The following RNF122 variants were observed in gnomAD, a reference collection of about 807,000 sequenced individuals.
RNF122 encodes ring finger protein 122.
A neutral mutation model predicts 24.2 loss-of-function variants in RNF122; 17 were observed. That is an observed-to-expected ratio of 0.70 (90% CI 0.48 to 1.06). The LOEUF (loss-of-function observed/expected upper bound fraction) is 1.06. RNF122 is among the 50% of genes least tolerant of loss of function. The probability of loss-of-function intolerance (pLI) is 0.00; values close to 1 mark genes in which losing one functional copy is unlikely to be tolerated. For synonymous variants in RNF122, 65 were observed against 71.8 expected (o/e 0.91, Z 0.48); for missense variants, 168 against 198.1 (o/e 0.85, Z 0.91).
In RNF122 at chr8:33,548,709, A is replaced by G. The variant is rs1216581922; in HGVS notation, c.*44T>C. ...AGCTGTGCAGAGGGACCAGACATCCATGAGGCAAGAGGTCTTCTCCAGGTC... is the reference window on the plus strand; with the variant it reads ...AGCTGTGCAGAGGGACCAGACATCCGTGAGGCAAGAGGTCTTCTCCAGGTC... On this transcript the variant is annotated 3_prime_UTR_variant, in exon 6 of 6. Transcript: ENST00000256257. 1 of 1,222,062 alleles carries G rather than the reference A, an allele frequency of 8.2e-7. No homozygotes were observed. The highest frequency in any genetic ancestry group is 1.2e-6 in the Non-Finnish European group (1 of 823,372). 75.7% of individuals were successfully genotyped at this position (1,222,062 alleles called of 1,614,324 possible).
chr8:33,566,220 C>G (rs1490057827), intron 1 of RNF122, among the ~76,000 whole-genome samples: 1 of 152,220 alleles, frequency 6.6e-6, no homozygotes, highest in Non-Finnish European at 1.5e-5. Context: ...GGGAAACCAA[C>G]AAAGCCAGAG....
intron 3 of RNF122, 78 bp downstream of exon 3, chr8:33,551,266 A>T (rs567681132): frequency 6.4e-7 from 1 of 1,556,844 alleles, no homozygotes; most frequent in East Asian, 2.2e-5. Flanking sequence ...GCCCAGGAGA[A>T]CCTGAGCCTG....
rs1261912198 is a variant in RNF122 at position 33,566,784 on chromosome 8, G to C, written c.-61C>G. The C allele has an allele frequency of 1.9e-6, 3 of 1,571,330 alleles. No homozygotes were observed. Among genetic ancestry groups the C allele is most frequent in the African/African-American group, 2.7e-5 (2 of 74,228 alleles). On this transcript the variant is annotated 5_prime_UTR_variant, in exon 1 of 6. Coordinates refer to ENST00000256257, the MANE Select transcript of RNF122 (RefSeq NM_024787.3). The stretch of plus-strand genomic sequence containing the variant: ...ACGCAGGCGGGGTGCCAGGAGGGCG[G>C]GGTGGGAGCACTAGCGGCGTGAGGG...
At chr8:33,555,000 G>A (rs969433598) in intron 2 of RNF122, among the ~76,000 whole-genome samples, 1 of 152,034 alleles carries the variant, frequency 6.6e-6, no homozygotes, top group African/African-American at 2.4e-5. Context: ...TCTATATATA[G>A]ACATTCACAG....
In RNF122 at chr8:33,558,600, C is replaced by A. The variant is rs578004387; in HGVS notation, c.182+15G>T. Reference sequence around the variant, plus strand: ...CTGCTGGACTCCCACCCCGGTCAGCCAGGGATCCACGCACCTGATAAAATA... The same window carrying A: ...CTGCTGGACTCCCACCCCGGTCAGCAAGGGATCCACGCACCTGATAAAATA... On this transcript the variant is annotated intron_variant, in intron 2 of 5. Transcript: ENST00000256257. The A allele has an allele frequency of 9.6e-5, 152 of 1,588,772 alleles. 1 individual carries two copies. The South Asian group carries it at 1.5e-3, about 16-fold the overall frequency.
rs1810324484 is a variant in RNF122 at position 33,548,682 on chromosome 8, G to A, written c.*71C>T. 3 of 929,882 alleles carry A rather than the reference G, an allele frequency of 3.2e-6. No individual in the cohort carries two copies. In the Admixed American group the frequency reaches 5.2e-5, roughly 16 times the overall value. The allele number at this position is 929,882 out of a possible 1,614,324, so 57.6% of individuals were successfully genotyped here. On this transcript the variant is annotated 3_prime_UTR_variant, in exon 6 of 6. Coordinates refer to ENST00000256257, the MANE Select transcript of RNF122 (RefSeq NM_024787.3). ...TCATCACCCTACAGTCCTGTTGGTT[G>A]GAGCTGTGCAGAGGGACCAGACATC...
chr8:33,558,866 T>A, intron 1 of RNF122, 95 bp from the exon 2 acceptor site: 1 of 970,402 alleles, frequency 1.0e-6, no homozygotes, highest in Non-Finnish European at 1.5e-6. Flanking sequence ...TGGCAGGCTC[T>A]GGGCACCTAA....
rs1810309222 is a variant in RNF122 at position 33,547,933 on chromosome 8, A to G, written c.*820T>C. 1 of 132,488 alleles carries G rather than the reference A, an allele frequency of 7.5e-6. No individual in the cohort carries two copies. Among genetic ancestry groups the G allele is most frequent in the Non-Finnish European group, 1.6e-5 (1 of 64,274 alleles). The allele number at this position is 132,488 out of a possible 1,614,324, so 8.2% of individuals were successfully genotyped here. ...ATACTATTTACAAAGGGAAGGAGGT[A>G]TCTGTTGCTTAACCGTAGACACCCC... On this transcript the variant is annotated 3_prime_UTR_variant, in exon 6 of 6. Transcript: ENST00000256257.
At chr8:33,562,365 C>T (rs1213299240) in intron 1 of RNF122, among the ~76,000 whole-genome samples, 2 of 151,336 alleles carry the variant, frequency 1.3e-5, no homozygotes, top group Non-Finnish European at 2.9e-5. Context: ...GTAAGACCCC[C>T]ACCTCTACAA....
chr8:33,557,716 C>T (rs971686067), intron 2 of RNF122, among the ~76,000 whole-genome samples: 1 of 152,108 alleles, frequency 6.6e-6, no homozygotes, highest in Non-Finnish European at 1.5e-5. Context: ...GAAAGCGTTC[C>T]TGGAGTGTGG....
intron 1 of RNF122, among the ~76,000 whole-genome samples, chr8:33,565,286 G>A (rs996931903): frequency 6.6e-6 from 1 of 152,110 alleles, no homozygotes; most frequent in Non-Finnish European, 1.5e-5. Flanking sequence ...GGGGTGGGGG[G>A]ATGTGGGGTA....
intron 2 of RNF122, among the ~76,000 whole-genome samples, chr8:33,553,073 A>G (rs961505538): frequency 1.4e-5 from 2 of 148,108 alleles, no homozygotes; most frequent in African/African-American, 5.0e-5. Context: ...CCTGTCTCAA[A>G]AAAAAAAAAA....
At chr8:33,560,292 C>G (rs1200538567) in intron 1 of RNF122, among the ~76,000 whole-genome samples, 3 of 152,192 alleles carry the variant, frequency 2.0e-5, no homozygotes, top group Admixed American at 6.5e-5. Context: ...CTCCCTTCCC[C>G]CCTTGCCAGT....
rs1170124920 is a variant in RNF122, at chr8:33,547,948, G to A, written c.*805C>T. 9 of 119,100 alleles carry A rather than the reference G, an allele frequency of 7.6e-5. No individual in the cohort carries two copies. The East Asian group carries it at 8.3e-4, about 11-fold the overall frequency. 7.4% of individuals were successfully genotyped at this position (119,100 alleles called of 1,614,324 possible). On this transcript the variant is annotated 3_prime_UTR_variant, in exon 6 of 6. Coordinates refer to ENST00000256257, the MANE Select transcript of RNF122 (RefSeq NM_024787.3). ...GGAAGGAGGTATCTGTTGCTTAACC[G>A]TAGACACCCCCATCCCCACACCCCT... is the stretch of plus-strand genomic sequence containing the variant.
chr8:33,558,613 A>C lies in RNF122; in HGVS notation c.182+2T>G. On this transcript the variant is annotated splice_donor_variant, in intron 2 of 5. Coordinates refer to ENST00000256257, the MANE Select transcript of RNF122 (RefSeq NM_024787.3). LOFTEE classifies it high-confidence loss of function. Reference sequence around the variant, plus strand: ...ACCCCGGTCAGCCAGGGATCCACGCACCTGATAAAATAGCAGCAGAAGATA... The same window carrying C: ...ACCCCGGTCAGCCAGGGATCCACGCCCCTGATAAAATAGCAGCAGAAGATA... The C allele has an allele frequency of 1.2e-6, 2 of 1,602,028 alleles. No homozygotes were observed. The highest frequency in any genetic ancestry group is 1.7e-6 in the Non-Finnish European group (2 of 1,172,276).
chr8:33,556,655 G>A (rs972766583), intron 2 of RNF122, among the ~76,000 whole-genome samples: 6 of 151,996 alleles, frequency 3.9e-5, no homozygotes. Context: ...AAGAATTCAA[G>A]GAAAAAAACA....
At chr8:33,552,885 C>A (rs1016439268) in intron 2 of RNF122, among the ~76,000 whole-genome samples, 1 of 151,858 alleles carries the variant, frequency 6.6e-6, no homozygotes, top group East Asian at 1.9e-4. Flanking sequence ...ATGGCAGAAC[C>A]CCATCTCTAC....
intron 2 of RNF122, among the ~76,000 whole-genome samples, chr8:33,555,185 T>G (rs1252712279): frequency 1.4e-5 from 2 of 144,820 alleles, no homozygotes; most frequent in Non-Finnish European, 2.9e-5. Flanking sequence ...CTGTTTTTTG[T>G]GTTTTTTTGG....
chr8:33,563,902 C>T (rs927495374), intron 1 of RNF122, among the ~76,000 whole-genome samples: 10 of 152,132 alleles, frequency 6.6e-5, no homozygotes, highest in African/African-American at 2.2e-4. Context: ...CGATGGTCCC[C>T]GCAAGTCCTC....
Sources: allele counts gnomAD v4.1 joint callset (sites outside exome capture counted in the v4.1 genomes callset), GRCh38; gene constraint gnomAD v4.1.1; transcripts MANE v1.5; gene names NCBI Gene and HGNC (gene_info 2026-07-23, HGNC 2026-07-21).